The following ABCG5 variants were observed in gnomAD, a reference collection of about 807,000 sequenced individuals.
The protein encoded by ABCG5 is ATP binding cassette subfamily G member 5, also known as ATP-binding cassette sub-family G member 5.
Under a neutral mutation model 64.5 loss-of-function variants are expected in ABCG5, and 64 were observed. The ratio of observed to expected loss-of-function variants is 0.99; its 90% confidence interval spans 0.81 to 1.22. The LOEUF (loss-of-function observed/expected upper bound fraction) is 1.22. Ranked by LOEUF, ABCG5 falls within the 50% of genes most tolerant of loss-of-function variation. ABCG5 has a pLI of 0.00. For synonymous variants in ABCG5, 385 were observed against 326.3 expected (o/e 1.18, Z -1.94); for missense variants, 908 against 829.5 (o/e 1.09, Z -1.16).
At chr2:43,828,611 A>G (rs1667779775) in intron 4 of ABCG5, 1 of 315,888 alleles carries the variant, frequency 3.2e-6, no homozygotes, top group Non-Finnish European at 6.1e-6. Context: ...ACAGTTAGCC[A>G]TGATGGCACC....
chr2:43,813,697 GT>G (rs1235368677), intron 12 of ABCG5, among the ~76,000 whole-genome samples: 10 of 91,316 alleles, frequency 1.1e-4, no homozygotes, highest in South Asian at 3.5e-4. Flanking sequence ...TTTTTTTGGG[GT>G]TTTTTTTTTC....
chr2:43,816,389 C>T (rs144247099), intron 11 of ABCG5, among the ~76,000 whole-genome samples: 3 of 152,170 alleles, frequency 2.0e-5, no homozygotes, highest in East Asian at 1.9e-4. Context: ...AAAGAGAGTG[C>T]GCCTCTAGCC....
Position 43,822,777 on chromosome 2 carries a change from T to A in ABCG5, c.1463+20A>T, listed in dbSNP as rs904295231. The stretch of plus-strand genomic sequence containing the variant: ...GACTCCATGGGAGCCCGGCCCTGGG[T>A]GAACTGAACAACCCCTCACCAGTAG... On this transcript the variant is annotated intron_variant, in intron 10 of 12. Transcript: ENST00000405322. 12 of 1,613,958 alleles carry A rather than the reference T, an allele frequency of 7.4e-6. No individual in the cohort carries two copies. Among genetic ancestry groups the A allele is most frequent in the Non-Finnish European group, 1.0e-5 (12 of 1,179,938 alleles).
chr2:43,806,816 C>T, the ABCG5 span, among the ~76,000 whole-genome samples: 1 of 152,174 alleles, frequency 6.6e-6, no homozygotes, highest in African/African-American at 2.4e-5. Flanking sequence ...GGCAGCCCCA[C>T]AGTACCCATA....
the ABCG5 span, among the ~76,000 whole-genome samples, chr2:43,806,893 G>A: frequency 6.6e-6 from 1 of 152,074 alleles, no homozygotes; most frequent in Admixed American, 6.5e-5. Context: ...CTCTTGGTTC[G>A]AGATTTTTTT....
chr2:43,827,452 C>T (rs1374590095), intron 5 of ABCG5, among the ~76,000 whole-genome samples: 1 of 152,144 alleles, frequency 6.6e-6, no homozygotes, highest in Non-Finnish European at 1.5e-5. Flanking sequence ...GATCCAGATG[C>T]AGTTTGTCCT....
At chr2:43,823,886 G>T (rs371928191) in intron 9 of ABCG5, 27 bp downstream of exon 9, 1 of 1,610,820 alleles carries the variant, frequency 6.2e-7, no homozygotes, top group Non-Finnish European at 8.5e-7. Flanking sequence ...GGAGAAAGAG[G>T]TGCACCTCCA....
At chr2:43,808,673 A>G (rs967780160), downstream of ABCG5, among the ~76,000 whole-genome samples, 5 of 152,212 alleles carry the variant, frequency 3.3e-5, no homozygotes, top group Non-Finnish European at 7.3e-5. Context: ...AGAGCTATAG[A>G]TAGATGTATA....
At position 43,838,105 on chromosome 2, in the gene ABCG5, GA is replaced by G. The variant is rs1475816752; in HGVS notation, c.144-151del. 3 of 1,041,590 alleles carry G rather than the reference GA, an allele frequency of 2.9e-6. No individual in the cohort carries two copies. Among genetic ancestry groups the G allele is most frequent in the Non-Finnish European group, 4.2e-6 (3 of 705,896 alleles). The allele number at this position is 1,041,590 out of a possible 1,614,324, so 64.5% of individuals were successfully genotyped here. On this transcript the variant is annotated intron_variant, in intron 1 of 12. Transcript: ENST00000405322. The surrounding 1 kb of genome is among the most constrained non-coding windows in gnomAD (Gnocchi z 4.2). ...TTCAGTCTCTGCGCCCTCCTCTGTA[GA>G]ACCTGGCAGATAGCGACTGAGGCTG...
intron 11 of ABCG5, among the ~76,000 whole-genome samples, 178 bp from the exon 12 acceptor site, chr2:43,814,767 C>T (rs975138617): frequency 1.5e-4 from 23 of 152,132 alleles, no homozygotes; most frequent in African/African-American, 5.6e-4. Flanking sequence ...TAAAGAAATA[C>T]CGTTGCCTAG....
intron 4 of ABCG5, among the ~76,000 whole-genome samples, chr2:43,828,896 C>A (rs950243517): frequency 7.8e-6 from 1 of 128,696 alleles, no homozygotes; most frequent in East Asian, 4.6e-4. Context: ...ACCCGGGAGG[C>A]CAAGGTTGCA....
At chr2:43,819,870 T>C (rs372786380) in intron 11 of ABCG5, 45 bp downstream of exon 11, 2 of 1,594,388 alleles carry the variant, frequency 1.3e-6, no homozygotes, top group South Asian at 1.1e-5. Context: ...TGATCATTAA[T>C]AACAGATTAT....
chr2:43,833,185 T>C (rs1036641693), intron 2 of ABCG5, among the ~76,000 whole-genome samples: 1 of 152,010 alleles, frequency 6.6e-6, no homozygotes, highest in African/African-American at 2.4e-5. Flanking sequence ...AAGTTTACCA[T>C]AGGCCCAGAG....
At chr2:43,817,713 C>A (rs1009045804) in intron 11 of ABCG5, among the ~76,000 whole-genome samples, 17 of 152,062 alleles carry the variant, frequency 1.1e-4, no homozygotes, top group African/African-American at 3.9e-4. Context: ...AGTTTGAGAC[C>A]AACCTGGCCA....
intron 4 of ABCG5, 53 bp downstream of exon 4, chr2:43,831,716 G>A (rs1214977675): frequency 4.1e-6 from 6 of 1,481,340 alleles, no homozygotes; most frequent in Non-Finnish European, 5.5e-6. Context: ...GGAGGGCAGC[G>A]GGGGGTGCAA....
At chr2:43,812,200 G>T (rs1666514255), downstream of ABCG5, among the ~76,000 whole-genome samples, 1 of 152,044 alleles carries the variant, frequency 6.6e-6, no homozygotes, top group African/African-American at 2.4e-5. Context: ...ACAGATGTGA[G>T]ACACCATGTC....
downstream of ABCG5, among the ~76,000 whole-genome samples, chr2:43,812,282 C>G (rs938416225): frequency 4.7e-5 from 7 of 147,588 alleles, no homozygotes; most frequent in Non-Finnish European, 1.0e-4. Context: ...GGGGTTATTT[C>G]TCAGTGCATA....
intron 12 of ABCG5, 56 bp downstream of exon 12, chr2:43,814,421 G>A: frequency 8.9e-7 from 1 of 1,123,032 alleles, no homozygotes; most frequent in Non-Finnish European, 1.3e-6. Flanking sequence ...TTTCCTCCAA[G>A]AAATTGCTTC....
In ABCG5 at chr2:43,837,907, C is replaced by T; in HGVS notation, c.192G>A (p.Trp64Ter). The T allele has an allele frequency of 6.2e-7, 1 of 1,614,148 alleles. No homozygotes were observed. Among genetic ancestry groups the T allele is most frequent in the Non-Finnish European group, 8.5e-7 (1 of 1,180,014 alleles). Residue 64 changes from tryptophan (W) to a stop codon, truncating the protein, a stop_gained, in exon 2 of 13, where the codon TGG becomes TGA. Transcript: ENST00000405322. LOFTEE classifies it high-confidence loss of function. ...WWDITSCRQQ[W>*]TRQILKDVSL... ...AGACATCTTTGAGGATCTGCCTGGT[C>T]CACTGCTGCCGGCAAGATGTGATGT...
Sources: gnomAD v4.1 joint callset for allele counts (sites outside exome capture counted in the v4.1 genomes callset) on GRCh38, gnomAD v4.1.1 for gene constraint, Gnocchi (gnomAD v3.1) non-coding constraint, MANE v1.5 for transcripts, NCBI Gene and HGNC (gene_info 2026-07-23, HGNC 2026-07-21) for gene names.